RNF150: variants seen among roughly 807,000 people sequenced by gnomAD.
RNF150 encodes the protein ring finger protein 150.
Under a neutral mutation model 39.3 loss-of-function variants are expected in RNF150, and 24 were observed. The observed-to-expected ratio is 0.61, with a 90% CI of 0.44 to 0.86. The LOEUF is 0.86. Among genes scored for constraint, RNF150 ranks in the 40% least tolerant of loss-of-function variants. The probability of loss-of-function intolerance (pLI) is 0.00; values close to 1 mark genes in which losing one functional copy is unlikely to be tolerated. For missense variants in RNF150, 502 were observed against 587.8 expected (o/e 0.85, Z 1.51); for synonymous variants, 255 against 227.3 (o/e 1.12, Z -1.10).
chr4:141,126,209 GAA>G (rs1726751513), intron 1 of RNF150, among the ~76,000 whole-genome samples: 1 of 152,104 alleles, frequency 6.6e-6, no homozygotes, highest in East Asian at 1.9e-4. Flanking sequence ...TGAGAAAAAT[GAA>G]GTGGGAACTG....
intron 1 of RNF150, among the ~76,000 whole-genome samples, chr4:141,146,081 C>T (rs2636761): frequency 0.54 from 81,705 of 152,084 alleles, 27,132 homozygotes; most frequent in Non-Finnish European, 0.74. Flanking sequence ...TAAATATTTC[C>T]GGGACTTGGG....
chr4:140,941,760 T>C (rs914011416), intron 4 of RNF150, among the ~76,000 whole-genome samples: 8 of 152,122 alleles, frequency 5.3e-5, no homozygotes, highest in Non-Finnish European at 1.0e-4. Context: ...AATAGTACCA[T>C]TGATAATGAC....
intron 1 of RNF150, among the ~76,000 whole-genome samples, chr4:141,034,084 T>C (rs761901024): frequency 1.1e-4 from 16 of 152,208 alleles, no homozygotes; most frequent in Non-Finnish European, 1.8e-4. Flanking sequence ...TAGATGGCAC[T>C]TTCTTCCAGT....
At chr4:141,105,014 G>A (rs897875945) in intron 1 of RNF150, among the ~76,000 whole-genome samples, 3 of 152,078 alleles carry the variant, frequency 2.0e-5, no homozygotes, top group Non-Finnish European at 4.4e-5. Flanking sequence ...GTGACTATGC[G>A]TTGCCCTCAT....
rs1164590154 is a variant in RNF150, at chr4:141,132,466, T to C, written c.343A>G (p.Lys115Glu). Residue 115 changes from lysine to glutamate, a missense_variant, in exon 1 of 7, where the codon AAG becomes GAG. By Grantham distance (56) the Lys-to-Glu change is moderately conservative. Coordinates refer to ENST00000515673, the MANE Select transcript of RNF150 (RefSeq NM_020724.2). The surrounding 1 kb of genome is among the most constrained non-coding windows in gnomAD (Gnocchi z 4.9). ...NTKFAAPTRG[K>E]NWIALIPKGN... is the part of the protein sequence containing the mutation. Reference sequence around the variant, plus strand: ...TTGGGGATGAGGGCTATCCAGTTCTTGCCGCGGGTCGGGGCGGCGAACTTG... The same window carrying C: ...TTGGGGATGAGGGCTATCCAGTTCTCGCCGCGGGTCGGGGCGGCGAACTTG... 2.5e-6 allele frequency: 4 copies of C among 1,610,256 alleles called. No individual in the cohort carries two copies. The highest frequency in any genetic ancestry group is 3.4e-5 in the Admixed American group (2 of 59,524).
intron 4 of RNF150, among the ~76,000 whole-genome samples, chr4:140,946,887 A>G (rs1732335450): frequency 6.6e-6 from 1 of 152,200 alleles, no homozygotes; most frequent in Non-Finnish European, 1.5e-5. Context: ...TATTTTTGGG[A>G]CATTTACACA....
At chr4:140,882,604 C>T (rs986326658) in intron 6 of RNF150, among the ~76,000 whole-genome samples, 41 of 152,100 alleles carry the variant, frequency 2.7e-4, no homozygotes, top group African/African-American at 9.4e-4. Flanking sequence ...TTTGGGTGCT[C>T]TGTTAGGTAA....
chr4:141,134,284 A>C (rs1336890801), upstream of RNF150, among the ~76,000 whole-genome samples: 4 of 152,122 alleles, frequency 2.6e-5, no homozygotes, highest in Non-Finnish European at 5.9e-5. Context: ...AGTGTTCTTA[A>C]AACTGTAGTA....
chr4:140,974,530 G>C (rs1733591633), intron 1 of RNF150, among the ~76,000 whole-genome samples: 1 of 152,176 alleles, frequency 6.6e-6, no homozygotes, highest in Non-Finnish European at 1.5e-5. Flanking sequence ...GAGTATAACT[G>C]CTAGCTTGTA....
intron 2 of RNF150, among the ~76,000 whole-genome samples, chr4:140,951,638 T>C (rs10519572): frequency 0.035 from 5,298 of 151,764 alleles, 203 homozygotes; most frequent in African/African-American, 0.093. Context: ...GTGATACATA[T>C]TGTAAGGTAA....
In RNF150 at chr4:141,140,985, A is replaced by G. The variant is rs1484953537; in HGVS notation, c.-6+71809T>C. On this transcript the variant is annotated intron_variant, in intron 1 of 7. Transcript: ENST00000420921. ...TTAGGTCAAGACTGCAGCATGACTA[A>G]TCACTCATTTTGTCATGCTTTCCTA... is the stretch of plus-strand genomic sequence containing the variant. Among the ~76,000 whole-genome samples, 4 of 152,164 alleles carry G rather than the reference A, an allele frequency of 2.6e-5. No homozygotes were observed. The East Asian group carries it at 5.8e-4, about 22-fold the overall frequency.
chr4:141,166,036 AATAG>A (rs1355223584), intron 1 of RNF150, among the ~76,000 whole-genome samples: 4 of 152,156 alleles, frequency 2.6e-5, no homozygotes, highest in Non-Finnish European at 5.9e-5. Context: ...AGATTAACAA[AATAG>A]ATAGACTACT....
At chr4:140,907,216 G>A (rs1461563256) in intron 6 of RNF150, among the ~76,000 whole-genome samples, 1 of 152,188 alleles carries the variant, frequency 6.6e-6, no homozygotes, top group Non-Finnish European at 1.5e-5. Flanking sequence ...ATAAAGACTG[G>A]TGAGTAACGT....
At chr4:141,113,044 G>A (rs189711118) in intron 1 of RNF150, among the ~76,000 whole-genome samples, 119 of 151,954 alleles carry the variant, frequency 7.8e-4, no homozygotes, top group African/African-American at 2.7e-3. Context: ...TATGTCTCAC[G>A]AAGTTCTCGT....
rs113965572 is a variant in RNF150 at position 141,067,430 on chromosome 4, G to A, written c.484+64895C>T. Among the ~76,000 whole-genome samples, 341 of 152,268 alleles carry A rather than the reference G, an allele frequency of 2.2e-3. 3 individuals carry two copies. The highest frequency in any genetic ancestry group is 7.9e-3 in the African/African-American group (330 of 41,570). On this transcript the variant is annotated intron_variant, in intron 1 of 6. Transcript: ENST00000515673. ...TTGTAGCTCCTGCAATGAGTTGCCA[G>A]GGTATTCCTTGGACTCATCAAATGA...
At chr4:141,190,807 G>A (rs1052073221) in intron 1 of RNF150, among the ~76,000 whole-genome samples, 1 of 152,208 alleles carries the variant, frequency 6.6e-6, no homozygotes, top group Non-Finnish European at 1.5e-5. Context: ...TGGATATGGA[G>A]ACAAAATTAG....
chr4:141,021,034 A>G (rs1735470708), intron 1 of RNF150, among the ~76,000 whole-genome samples: 1 of 152,172 alleles, frequency 6.6e-6, no homozygotes, highest in African/African-American at 2.4e-5. Context: ...GGAATGTAAG[A>G]ATTTATAGCC....
At chr4:141,098,131 T>C (rs2111028534) in intron 1 of RNF150, among the ~76,000 whole-genome samples, 1 of 152,356 alleles carries the variant, frequency 6.6e-6, no homozygotes, top group African/African-American at 2.4e-5. Context: ...TTCCTGCCTT[T>C]GATCACATTT....
intron 5 of RNF150, among the ~76,000 whole-genome samples, chr4:140,912,243 T>G (rs13109487): frequency 0.14 from 22,045 of 152,274 alleles, 1,840 homozygotes; most frequent in Admixed American, 0.22. Context: ...TTTCTATCTC[T>G]TCCACAAACA....
Sources: gnomAD v4.1 joint callset for allele counts (sites outside exome capture counted in the v4.1 genomes callset) on GRCh38, gnomAD v4.1.1 for gene constraint, Gnocchi (gnomAD v3.1) non-coding constraint, MANE v1.5 for transcripts, NCBI Gene and HGNC (gene_info 2026-07-23, HGNC 2026-07-21) for gene names.